Variants in HIGD2B observed in about 807,000 individuals in gnomAD.
HIGD2B encodes HIG1 hypoxia inducible domain family member 2B, also known as HIG1 domain family member 2B.
For missense variants in HIGD2B, 106 were observed against 67.0 expected, an observed-to-expected ratio of 1.58 and a Z score of -2.03; for synonymous variants, 45 against 28.1, an observed-to-expected ratio of 1.60 and a Z score of -1.90.
chr15:72,684,236 T>C (rs568711051), intron 1 of HIGD2B, among the ~76,000 whole-genome samples: 8 of 152,310 alleles, frequency 5.3e-5, no homozygotes, highest in African/African-American at 1.4e-4. Context: ...TTACAGAATT[T>C]TGGGGAGTTT....
In HIGD2B at chr15:72,675,799, T is replaced by C; in HGVS notation, c.*255A>G. 2.2e-6 allele frequency: 1 copy of C among 446,106 alleles called. No homozygotes were observed. The highest frequency in any genetic ancestry group is 4.0e-6 in the Non-Finnish European group (1 of 250,378). 27.6% of individuals were successfully genotyped at this position (446,106 alleles called of 1,614,324 possible). ...ATACAGTATGTGTGTAATTTTTTAC[T>C]TTTTTCTTATTTTTAGAGTTTATTA... On this transcript the variant is annotated 3_prime_UTR_variant, in exon 3 of 3. Coordinates refer to ENST00000311755, the MANE Select transcript of HIGD2B (RefSeq NM_001350932.3).
Position 72,686,180 on chromosome 15 carries a change from T to C in HIGD2B, c.-555A>G, listed in dbSNP as rs766458759. On this transcript the variant is annotated 5_prime_UTR_variant, in exon 1 of 3. Coordinates refer to ENST00000311755, the MANE Select transcript of HIGD2B (RefSeq NM_001350932.3). The stretch of plus-strand genomic sequence containing the variant: ...CCTACGACTTCCGCTTGCCTCGTCG[T>C]CTGGGAAACCGCCGACTTCCGGCCG... 3.2e-6 allele frequency: 5 copies of C among 1,544,426 alleles called. No individual in the cohort carries two copies. The highest frequency in any genetic ancestry group is 2.0e-5 in the Admixed American group (1 of 51,108).
intron 1 of HIGD2B, among the ~76,000 whole-genome samples, chr15:72,680,882 C>CA (rs138011249): frequency 0.071 from 10,416 of 147,644 alleles, 531 homozygotes; most frequent in Middle Eastern, 0.097. Flanking sequence ...AATTCTGTCT[C>CA]AAAAAAAAAC....
chr15:72,681,599 A>ATTTTTT (rs1266238285), intron 1 of HIGD2B, among the ~76,000 whole-genome samples: 1 of 117,412 alleles, frequency 8.5e-6, no homozygotes. Context: ...TTGAACCAAA[A>ATTTTTT]TTTTTTTTTT....
At chr15:72,677,169 C>T (rs1281813486) in intron 2 of HIGD2B, among the ~76,000 whole-genome samples, 2 of 152,304 alleles carry the variant, frequency 1.3e-5, no homozygotes, top group African/African-American at 4.8e-5. Context: ...GTGGCTCACA[C>T]CTATAATCCC....
intron 1 of HIGD2B, chr15:72,683,003 T>G (rs1440342144): frequency 1.7e-5 from 3 of 173,552 alleles, no homozygotes; most frequent in Non-Finnish European, 2.5e-5. Context: ...CAGACAGTCA[T>G]GTAAATGGAC....
intron 1 of HIGD2B, among the ~76,000 whole-genome samples, chr15:72,680,927 G>T (rs12591728): frequency 0.11 from 16,299 of 152,082 alleles, 930 homozygotes; most frequent in East Asian, 0.22. Context: ...ACCTGAGATA[G>T]TGAGAGACAG....
chr15:72,679,459 T>C (rs1269202397), intron 2 of HIGD2B, among the ~76,000 whole-genome samples: 1 of 150,374 alleles, frequency 6.7e-6, no homozygotes, highest in Non-Finnish European at 1.5e-5. Context: ...AGGAAGGATA[T>C]AGTTATTAAG....
At chr15:72,680,348 C>CAT (rs780099983) in intron 1 of HIGD2B, among the ~76,000 whole-genome samples, 155 bp from the exon 2 acceptor site, 27 of 152,110 alleles carry the variant, frequency 1.8e-4, no homozygotes, top group African/African-American at 4.8e-4. Flanking sequence ...CTCACATCAG[C>CAT]ATATATATAT....
In HIGD2B at chr15:72,686,021, G is replaced by T. The variant is rs112924331; in HGVS notation, c.-396C>A. 7.7e-4 allele frequency: 497 copies of T among 645,552 alleles called. 2 individuals are homozygous for T. In the African/African-American group the frequency reaches 8.3e-3, roughly 11 times the overall value. 40.0% of individuals were successfully genotyped at this position (645,552 alleles called of 1,614,324 possible). A position where few individuals can be genotyped will look rare whatever the true frequency, so the allele number is the denominator to read the frequency against. ...AGGGGCTTCTCGGGATAAAGGCAGC[G>T]AGTGGCTGCGCATTCCCTCCCCGAC... On this transcript the variant is annotated 5_prime_UTR_variant, in exon 1 of 3. It introduces an in-frame stop codon into an upstream open reading frame of the 5' UTR. Transcript: ENST00000311755.
chr15:72,686,044 G>C lies in HIGD2B; in HGVS notation c.-419C>G. The stretch of plus-strand genomic sequence containing the variant: ...GCGAGTGGCTGCGCATTCCCTCCCC[G>C]ACTCTTTCAGAGGTAAGCCTTCTGT... On this transcript the variant is annotated 5_prime_UTR_variant, in exon 1 of 3. Coordinates refer to ENST00000311755, the MANE Select transcript of HIGD2B (RefSeq NM_001350932.3). 2.9e-6 allele frequency: 2 copies of C among 685,616 alleles called. No homozygotes were observed. The highest frequency in any genetic ancestry group is 2.7e-5 in the East Asian group (1 of 36,736). The allele number at this position is 685,616 out of a possible 1,614,324, so 42.5% of individuals were successfully genotyped here.
intron 1 of HIGD2B, among the ~76,000 whole-genome samples, chr15:72,680,418 AAC>A (rs1440354087): frequency 6.6e-6 from 1 of 152,232 alleles, no homozygotes; most frequent in African/African-American, 2.4e-5. Flanking sequence ...GAATAAACTG[AAC>A]ATTTTTAAAA....
Position 72,685,763 on chromosome 15 carries a change from A to T in HIGD2B, c.-193+55T>A, listed in dbSNP as rs116850439. Reference sequence around the variant, plus strand: ...TGGAGTAAACAAGAGTGGGAAGCTGATAAGGTGAGTACCTCAGTTCGATAG... The same window carrying T: ...TGGAGTAAACAAGAGTGGGAAGCTGTTAAGGTGAGTACCTCAGTTCGATAG... On this transcript the variant is annotated intron_variant, in intron 1 of 2. Transcript: ENST00000311755. The T allele has an allele frequency of 1.9e-3, 470 of 241,152 alleles. 2 individuals carry two copies. The highest frequency in any genetic ancestry group is 3.8e-3 in the South Asian group (72 of 18,810). The allele number at this position is 241,152 out of a possible 1,614,324, so 14.9% of individuals were successfully genotyped here.
Position 72,676,305 on chromosome 15 carries a change from G to A in HIGD2B, c.70C>T (p.Leu24Phe). The A allele has an allele frequency of 1.3e-6, 1 of 762,414 alleles. No homozygotes were observed. Among genetic ancestry groups the A allele is most frequent in the Non-Finnish European group, 2.4e-6 (1 of 415,586 alleles). The allele number at this position is 762,414 out of a possible 1,614,324, so 47.2% of individuals were successfully genotyped here. A position where few individuals can be genotyped will look rare whatever the true frequency, so the allele number is the denominator to read the frequency against. Reference protein sequence around the residue: ...ESSKPPIFEGLSPTVYSNPEG... With the variant: ...ESSKPPIFEGFSPTVYSNPEG... Reference sequence around the variant, plus strand: ...GGATTGCTGTAAACAGTGGGGCTAAGCCCCTCAAAGATGGGGGGCTTCGAT... The same window carrying A: ...GGATTGCTGTAAACAGTGGGGCTAAACCCCTCAAAGATGGGGGGCTTCGAT... Residue 24 changes from leucine (L) to phenylalanine (F), a missense_variant, in exon 3 of 3, where the codon CTT becomes TTT. By Grantham distance (22) the Leu-to-Phe change is conservative (BLOSUM62 0). Transcript: ENST00000311755.
intron 1 of HIGD2B, among the ~76,000 whole-genome samples, chr15:72,683,898 CTTT>C (rs10592674): frequency 0.046 from 6,520 of 141,102 alleles, 468 homozygotes; most frequent in African/African-American, 0.15. Flanking sequence ...ATCTTTATAT[CTTT>C]TTTTTTTTTT....
At chr15:72,683,619 T>C (rs984090070) in intron 1 of HIGD2B, among the ~76,000 whole-genome samples, 2 of 152,076 alleles carry the variant, frequency 1.3e-5, no homozygotes, top group African/African-American at 2.4e-5. Context: ...GTTGGCTGGA[T>C]TGCTTGAGCT....
intron 1 of HIGD2B, among the ~76,000 whole-genome samples, chr15:72,685,328 T>C (rs1360093806): frequency 6.6e-6 from 1 of 152,182 alleles, no homozygotes; most frequent in South Asian, 2.1e-4. Context: ...GAATTGGGGC[T>C]AATGTCAGTG....
chr15:72,684,261 G>C (rs1204027916), intron 1 of HIGD2B, among the ~76,000 whole-genome samples: 1 of 152,192 alleles, frequency 6.6e-6, no homozygotes, highest in Non-Finnish European at 1.5e-5. Context: ...AACCCCAGAG[G>C]ATTCCATGGT....
intron 2 of HIGD2B, among the ~76,000 whole-genome samples, chr15:72,677,234 A>C (rs1389712650): frequency 6.6e-6 from 1 of 152,188 alleles, no homozygotes; most frequent in African/African-American, 2.4e-5. Flanking sequence ...GTTTGAGACC[A>C]GCCTGGGCAA....
Sources: allele counts gnomAD v4.1 joint callset (sites outside exome capture counted in the v4.1 genomes callset), GRCh38; gene constraint gnomAD v4.1.1; transcripts MANE v1.5; gene names NCBI Gene and HGNC (gene_info 2026-07-23, HGNC 2026-07-21).